The following CNTNAP4 variants were observed in gnomAD, a reference collection of about 807,000 sequenced individuals.
CNTNAP4 encodes the protein contactin associated protein family member 4.
A neutral mutation model predicts 148.4 loss-of-function variants in CNTNAP4; 98 were observed. That is an observed-to-expected ratio of 0.66 (90% CI 0.56 to 0.78). The LOEUF (loss-of-function observed/expected upper bound fraction) is 0.78, where lower values mean the gene tolerates loss of function less well. Ranked by LOEUF, CNTNAP4 falls within the 30% of genes least tolerant of loss-of-function variation. CNTNAP4 has a pLI of 0.00. For missense variants in CNTNAP4, 1,935 were observed against 1,565.6 expected (o/e 1.24, Z -3.98); for synonymous variants, 730 against 565.1 (o/e 1.29, Z -4.14).
chr16:76,463,347 A>G (rs1451273827), intron 9 of CNTNAP4, among the ~76,000 whole-genome samples: 3 of 152,232 alleles, frequency 2.0e-5, no homozygotes, highest in Non-Finnish European at 2.9e-5. Flanking sequence ...TTTGTAAATC[A>G]TGAAAATAGA....
At chr16:76,344,253 T>C (rs1452908739) in intron 2 of CNTNAP4, among the ~76,000 whole-genome samples, 1 of 152,176 alleles carries the variant, frequency 6.6e-6, no homozygotes, top group Admixed American at 6.5e-5. Context: ...AAAATCATTG[T>C]GATGCCCAAT....
At chr16:76,351,389 A>G (rs1597285122) in intron 2 of CNTNAP4, among the ~76,000 whole-genome samples, 1 of 152,290 alleles carries the variant, frequency 6.6e-6, no homozygotes, top group East Asian at 1.9e-4. Context: ...TCTGCAAAGA[A>G]TAATCAATTT....
At chr16:76,462,290 G>C (rs548046587) in intron 9 of CNTNAP4, among the ~76,000 whole-genome samples, 185 bp downstream of exon 9, 2 of 152,284 alleles carry the variant, frequency 1.3e-5, no homozygotes, top group African/African-American at 2.4e-5. Context: ...ATTTCTGCAA[G>C]GTGGACTTAC....
intron 3 of CNTNAP4, among the ~76,000 whole-genome samples, chr16:76,398,040 G>T (rs1306867574): frequency 7.6e-6 from 1 of 132,022 alleles, no homozygotes; most frequent in Non-Finnish European, 1.6e-5. Flanking sequence ...CAATCATAAG[G>T]TGAGGTCTGC....
At chr16:76,519,001 C>G (rs1191083339) in intron 15 of CNTNAP4, among the ~76,000 whole-genome samples, 1 of 152,182 alleles carries the variant, frequency 6.6e-6, no homozygotes, top group Non-Finnish European at 1.5e-5. Context: ...TCCTCCCTCT[C>G]TTTGCCCTTC....
Position 76,521,308 on chromosome 16 carries a change from G to T in CNTNAP4, c.2534G>T (p.Arg845Leu), listed in dbSNP as rs199508626. 4 of 1,597,076 alleles carry T rather than the reference G, an allele frequency of 2.5e-6. No individual in the cohort carries two copies. The South Asian group carries it at 4.5e-5, about 18-fold the overall frequency. The stretch of plus-strand genomic sequence containing the variant: ...GCTGATTTTATACGGATAGAGCTTC[G>T]CTGTAAGTCTCCTTTTCCAGAGAAG... ...GIADFIRIEL[R>L]SPTVVTFSFD... The change falls in exon 16 of 24, where the codon CGC becomes CTC. Residue 845 changes from arginine to leucine, a missense_variant and splice_region_variant. Coordinates refer to ENST00000611870, the MANE Select transcript of CNTNAP4 (RefSeq NM_033401.5).
intron 3 of CNTNAP4, among the ~76,000 whole-genome samples, chr16:76,424,482 G>A (rs760243280): frequency 6.6e-5 from 10 of 152,090 alleles, no homozygotes; most frequent in African/African-American, 1.2e-4. Context: ...GGCTGGGTGC[G>A]GTGGTTCACG....
intron 21 of CNTNAP4, among the ~76,000 whole-genome samples, chr16:76,553,004 A>T (rs993821261): frequency 2.0e-5 from 3 of 152,180 alleles, no homozygotes; most frequent in African/African-American, 7.2e-5. Flanking sequence ...TGACACCCTC[A>T]TCACTTCTTA....
chr16:76,541,961 C>G (rs370376559), intron 21 of CNTNAP4, among the ~76,000 whole-genome samples: 38 of 152,300 alleles, frequency 2.5e-4, no homozygotes, highest in African/African-American at 8.2e-4. Flanking sequence ...CTATTTAAGA[C>G]TGACATGTGT....
chr16:76,427,747 T>C, intron 4 of CNTNAP4, 148 bp downstream of exon 4: 1 of 619,232 alleles, frequency 1.6e-6, no homozygotes, highest in South Asian at 2.7e-5. Context: ...TGTGCATGCC[T>C]GTACATGCCA....
chr16:76,482,222 A>T (rs576489173), intron 12 of CNTNAP4, among the ~76,000 whole-genome samples: 1 of 152,132 alleles, frequency 6.6e-6, no homozygotes, highest in South Asian at 2.1e-4. Flanking sequence ...TAATGCAAAA[A>T]TCCAGGACTG....
At chr16:76,371,656 T>A (rs1249203462) in intron 3 of CNTNAP4, among the ~76,000 whole-genome samples, 2 of 152,328 alleles carry the variant, frequency 1.3e-5, no homozygotes, top group South Asian at 2.1e-4. Context: ...TAAGTTTTAT[T>A]GAAATGTTTT....
At chr16:76,427,684 T>C in intron 4 of CNTNAP4, 85 bp downstream of exon 4, 3 of 1,315,806 alleles carry the variant, frequency 2.3e-6, no homozygotes, top group East Asian at 2.5e-5. Context: ...ATGGACTTTT[T>C]AGCTACATAA....
At chr16:76,339,035 A>G (rs1349402844) in intron 2 of CNTNAP4, among the ~76,000 whole-genome samples, 8 of 152,178 alleles carry the variant, frequency 5.3e-5, no homozygotes, top group Non-Finnish European at 1.2e-4. Context: ...AGTGATTAGA[A>G]TGATATTAAT....
Position 76,290,977 on chromosome 16 carries a change from A to C in CNTNAP4, c.85+13230A>C, listed in dbSNP as rs139795931. ...TTGTGCACATGGGAGAGAGAGAGCG[A>C]TATCTCTGGTGTCTCTTACTCTTCT... On this transcript the variant is annotated intron_variant, in intron 1 of 23. Coordinates refer to ENST00000611870, the MANE Select transcript of CNTNAP4 (RefSeq NM_033401.5). Among the ~76,000 whole-genome samples, 591 of 152,166 alleles carry C rather than the reference A, an allele frequency of 3.9e-3. 2 individuals are homozygous for C. Among genetic ancestry groups the C allele is most frequent in the African/African-American group, 0.013 (555 of 41,498 alleles).
chr16:76,553,835 G>A lies in CNTNAP4; in HGVS notation c.3662-1G>A. The A allele has an allele frequency of 7.5e-6, 12 of 1,607,658 alleles. No individual in the cohort carries two copies. Among genetic ancestry groups the A allele is most frequent in the Non-Finnish European group, 1.0e-5 (12 of 1,174,864 alleles). ...CCCCCTTTGTTGTGCTTTAACTGCA[G>A]ATCATTCTGGAACAATAGATGACAG... On this transcript the variant is annotated splice_acceptor_variant, in intron 22 of 23. Coordinates refer to ENST00000611870, the MANE Select transcript of CNTNAP4 (RefSeq NM_033401.5). LOFTEE classifies it high-confidence loss of function.
rs150992047 is a variant in CNTNAP4 at position 76,422,674 on chromosome 16, T to C, written c.391-4778T>C. ...GAATTAAATCCTTGCTCTGCCACTT[T>C]CTAGCTGTGTGACTTTAGGCACATA... On this transcript the variant is annotated intron_variant, in intron 3 of 23. Coordinates refer to ENST00000611870, the MANE Select transcript of CNTNAP4 (RefSeq NM_033401.5). 1.2e-3 allele frequency among the ~76,000 whole-genome samples: 187 copies of C among 152,270 alleles called. 1 individual carries two copies. The highest frequency in any genetic ancestry group is 4.2e-3 in the African/African-American group (175 of 41,546).
intron 3 of CNTNAP4, among the ~76,000 whole-genome samples, chr16:76,376,978 G>A (rs1427141920): frequency 3.3e-5 from 5 of 150,336 alleles, no homozygotes; most frequent in African/African-American, 1.2e-4. Flanking sequence ...CATGTATGGA[G>A]GTTGGGAGAG....
chr16:76,334,000 G>C (rs994436670), intron 2 of CNTNAP4, among the ~76,000 whole-genome samples: 20 of 151,484 alleles, frequency 1.3e-4, no homozygotes, highest in Non-Finnish European at 2.2e-4. Context: ...GCATTTCTCT[G>C]ATGGCCAATG....
Sources: gnomAD v4.1 joint callset for allele counts (sites outside exome capture counted in the v4.1 genomes callset) on GRCh38, gnomAD v4.1.1 for gene constraint, MANE v1.5 for transcripts, NCBI Gene and HGNC (gene_info 2026-07-23, HGNC 2026-07-21) for gene names.